Variants in AGPAT3 observed in about 807,000 individuals in gnomAD.
AGPAT3 encodes the protein 1-acylglycerol-3-phosphate O-acyltransferase 3.
In AGPAT3, 5 loss-of-function variants were observed where a neutral mutation model predicts 47.3. The observed-to-expected ratio is 0.11, with a 90% CI of 0.06 to 0.22. AGPAT3 has a LOEUF of 0.22. Among genes scored for constraint, AGPAT3 ranks in the 10% least tolerant of loss-of-function variants. The pLI, the probability that AGPAT3 is intolerant of heterozygous loss-of-function variation, is 1.00. For synonymous variants in AGPAT3, 212 were observed against 208.3 expected, an observed-to-expected ratio of 1.02 and a Z score of -0.15; for missense variants, 315 against 493.0, an observed-to-expected ratio of 0.64 and a Z score of 3.42.
intron 1 of AGPAT3, among the ~76,000 whole-genome samples, chr21:43,876,267 CCGA>C (rs1458978917): frequency 6.6e-6 from 1 of 152,062 alleles, no homozygotes; most frequent in African/African-American, 2.4e-5. Flanking sequence ...CAAAGTAATA[CCGA>C]TAATAATATT....
At chr21:43,948,872 A>C (rs530773321) in intron 2 of AGPAT3, among the ~76,000 whole-genome samples, 1 of 152,142 alleles carries the variant, frequency 6.6e-6, no homozygotes, top group Admixed American at 6.5e-5. Flanking sequence ...CAAGTCCCCA[A>C]ACAGTGGCTG....
At chr21:43,959,611 T>C (rs774693504) in intron 2 of AGPAT3, 23 bp from the exon 3 acceptor site, 1 of 1,598,540 alleles carries the variant, frequency 6.3e-7, no homozygotes, top group South Asian at 1.1e-5. Context: ...ACCCTGACGC[T>C]GTCCCTGTCC....
intron 2 of AGPAT3, among the ~76,000 whole-genome samples, chr21:43,938,117 G>A (rs77597510): frequency 6.8e-6 from 1 of 147,378 alleles, no homozygotes; most frequent in Non-Finnish European, 1.5e-5. Flanking sequence ...CACACACACA[G>A]ACACACACAC....
In AGPAT3 at chr21:43,969,101, CCTT is replaced by C. The variant is rs934223706; in HGVS notation, c.349-14_349-12del. 4 of 1,613,588 alleles carry C rather than the reference CCTT, an allele frequency of 2.5e-6. No homozygotes were observed. The highest frequency in any genetic ancestry group is 3.4e-6 in the Non-Finnish European group (4 of 1,179,628). On this transcript the variant is annotated splice_polypyrimidine_tract_variant and intron_variant, in intron 4 of 9. Coordinates refer to ENST00000291572, the MANE Select transcript of AGPAT3 (RefSeq NM_020132.5). ...CGACGCTGAAGTGCCAGGTGCCCCTCCTTCTCCTCCCTCCAGAGCTCCAAGGTC... is the reference window on the plus strand; with the variant it reads ...CGACGCTGAAGTGCCAGGTGCCCCTCCTCCTCCCTCCAGAGCTCCAAGGTC...
At chr21:43,876,299 A>G (rs1306633485) in intron 1 of AGPAT3, among the ~76,000 whole-genome samples, 2 of 152,194 alleles carry the variant, frequency 1.3e-5, no homozygotes, top group African/African-American at 4.8e-5. Flanking sequence ...CTAAAATTTG[A>G]ATTTCTTGAG....
At chr21:43,921,511 C>T (rs1269041165) in intron 2 of AGPAT3, among the ~76,000 whole-genome samples, 2 of 152,156 alleles carry the variant, frequency 1.3e-5, no homozygotes, top group East Asian at 1.9e-4. Context: ...GTCTCCAGGG[C>T]GAGCCCTGGC....
At chr21:43,929,623 G>A (rs918518701) in intron 2 of AGPAT3, among the ~76,000 whole-genome samples, 4 of 152,246 alleles carry the variant, frequency 2.6e-5, no homozygotes, top group East Asian at 1.9e-4. Context: ...CTGCAGAACC[G>A]GACACGGCCT....
chr21:43,943,198 C>G (rs554002698), intron 2 of AGPAT3, among the ~76,000 whole-genome samples: 4 of 152,290 alleles, frequency 2.6e-5, no homozygotes, highest in Admixed American at 2.6e-4. Context: ...CCTCAGCCTC[C>G]CGAGTAGCTG....
chr21:43,911,734 G>T (rs933868829), intron 2 of AGPAT3, among the ~76,000 whole-genome samples: 48 of 152,380 alleles, frequency 3.2e-4, no homozygotes, highest in African/African-American at 1.1e-3. Flanking sequence ...CTCTATGCAT[G>T]CACATTTCTG....
chr21:43,982,319 G>A lies in AGPAT3; in HGVS notation c.1058G>A (p.Arg353His), dbSNP rs753711381. The stretch of plus-strand genomic sequence containing the variant: ...GTCTTGAAAGCTTCCTTTGGAGTTC[G>A]CAGACTGATAGGAGTAACTGAGATA... Reference protein sequence around the residue: ...GFVGAASFGVRRLIGVTEIEK... With the variant: ...GFVGAASFGVHRLIGVTEIEK... Residue 353 changes from arginine to histidine, a missense_variant, in exon 10 of 10, where the codon CGC (arginine) becomes CAC (histidine). Transcript: ENST00000291572. The surrounding 1 kb of genome is among the most constrained non-coding windows in gnomAD (Gnocchi z 6.2). The A allele has an allele frequency of 5.0e-6, 8 of 1,613,160 alleles. No homozygotes were observed. Among genetic ancestry groups the A allele is most frequent in the African/African-American group, 1.3e-5 (1 of 74,852 alleles).
In AGPAT3 at chr21:43,970,798, G is replaced by A. The variant is rs201532770; in HGVS notation, c.656G>A (p.Arg219Gln). The change falls in exon 6 of 10, where the codon CGG (arginine) becomes CAG (glutamine). Residue 219 changes from arginine (R) to glutamine (Q), a missense_variant. Transcript: ENST00000291572. This position sits in a 1 kb window ranked among gnomAD's most constrained non-coding sequence, Gnocchi z 5.8. ...TTCACCACCGCAGTCAAGTGCCTCC[G>A]GGGGACAGGTAGGCCCCAGACTGCC... ...KGFTTAVKCL[R>Q]GTVAAVYDVT... 55 of 1,581,408 alleles carry A rather than the reference G, an allele frequency of 3.5e-5. No homozygotes were observed. The highest frequency in any genetic ancestry group is 3.9e-5 in the Non-Finnish European group (45 of 1,158,110).
intron 2 of AGPAT3, among the ~76,000 whole-genome samples, chr21:43,945,338 A>C (rs751362780): frequency 3.4e-4 from 52 of 152,224 alleles, no homozygotes; most frequent in Admixed American, 1.6e-3. Flanking sequence ...TTGTCACCCT[A>C]AAGAAAATTC....
intron 2 of AGPAT3, among the ~76,000 whole-genome samples, chr21:43,946,153 A>C (rs2087876949): frequency 6.6e-6 from 1 of 152,212 alleles, no homozygotes; most frequent in South Asian, 2.1e-4. Flanking sequence ...GTTGTCCTGC[A>C]GCCTCAGGTC....
chr21:43,970,531 G>A lies in AGPAT3; in HGVS notation c.511-122G>A. On this transcript the variant is annotated intron_variant, in intron 5 of 9. Coordinates refer to ENST00000291572, the MANE Select transcript of AGPAT3 (RefSeq NM_020132.5). The surrounding 1 kb of genome is among the most constrained non-coding windows in gnomAD (Gnocchi z 5.8). Reference sequence around the variant, plus strand: ...ATAACCCATGCTGCTCGCTAAAGCGGTTCCAAGATTTCCACAAATTCAGCC... The same window carrying A: ...ATAACCCATGCTGCTCGCTAAAGCGATTCCAAGATTTCCACAAATTCAGCC... The A allele has an allele frequency of 9.3e-7, 1 of 1,075,052 alleles. No individual in the cohort carries two copies. The highest frequency in any genetic ancestry group is 2.7e-5 in the East Asian group (1 of 36,874). The allele number at this position is 1,075,052 out of a possible 1,614,324, so 66.6% of individuals were successfully genotyped here.
At position 43,888,710 on chromosome 21, in the gene AGPAT3, G is replaced by A. The variant is rs558126092; in HGVS notation, c.-111-15247G>A. ...CAGGAAAACATTAAACAGAACATGG[G>A]CCGGGCGAGGTGCTTCACGCCTGTA... On this transcript the variant is annotated intron_variant, in intron 1 of 9. Coordinates refer to ENST00000291572, the MANE Select transcript of AGPAT3 (RefSeq NM_020132.5). Among the ~76,000 whole-genome samples the A allele has an allele frequency of 2.6e-5, 4 of 152,336 alleles. No individual in the cohort carries two copies. The South Asian group carries it at 8.3e-4, about 32-fold the overall frequency.
chr21:43,907,268 C>T (rs2086523294), intron 2 of AGPAT3, among the ~76,000 whole-genome samples: 1 of 152,080 alleles, frequency 6.6e-6, no homozygotes, highest in Admixed American at 6.6e-5. Flanking sequence ...GGCTCAAGCC[C>T]ATCTGCCGGC....
At chr21:43,938,790 A>G (rs767582246) in intron 2 of AGPAT3, among the ~76,000 whole-genome samples, 8 of 152,238 alleles carry the variant, frequency 5.3e-5, no homozygotes, top group Non-Finnish European at 1.0e-4. Flanking sequence ...GCGGAGGGTC[A>G]GGAATCCAGG....
chr21:43,982,612 C>A lies in AGPAT3; in HGVS notation c.*220C>A. ...GGGTCCCAGCATCTCCACGCGCGCC[C>A]GTGGGAGGTGGGTCCGGCCGGAGAG... On this transcript the variant is annotated 3_prime_UTR_variant, in exon 10 of 10. Transcript: ENST00000291572. This position sits in a 1 kb window ranked among gnomAD's most constrained non-coding sequence, Gnocchi z 6.2. 5.1e-6 allele frequency: 2 copies of A among 391,214 alleles called. No homozygotes were observed. The highest frequency in any genetic ancestry group is 3.2e-5 in the South Asian group (1 of 31,450). The allele number at this position is 391,214 out of a possible 1,614,324, so 24.2% of individuals were successfully genotyped here.
In AGPAT3 at chr21:43,909,291, C is replaced by T. The variant is rs532682594; in HGVS notation, c.-49+5272C>T. Among the ~76,000 whole-genome samples the T allele has an allele frequency of 4.2e-4, 47 of 112,928 alleles. No individual in the cohort carries two copies. In the East Asian group the frequency reaches 0.01, roughly 25 times the overall value. The allele number at this position is 112,928 out of a possible 152,430, so 74.1% of individuals were successfully genotyped here. A position where few individuals can be genotyped will look rare whatever the true frequency, so the allele number is the denominator to read the frequency against. On this transcript the variant is annotated intron_variant, in intron 2 of 9. Coordinates refer to ENST00000291572, the MANE Select transcript of AGPAT3 (RefSeq NM_020132.5). Reference sequence around the variant, plus strand: ...CGGTGGGCCACTCATTTTTCATACACATTTTTTTTTTTTTTTTTTTTTGAG... The same window carrying T: ...CGGTGGGCCACTCATTTTTCATACATATTTTTTTTTTTTTTTTTTTTTGAG...
Sources: allele counts gnomAD v4.1 joint callset (sites outside exome capture counted in the v4.1 genomes callset), GRCh38; gene constraint gnomAD v4.1.1; non-coding constraint Gnocchi (gnomAD v3.1); transcripts MANE v1.5; gene names NCBI Gene and HGNC (gene_info 2026-07-23, HGNC 2026-07-21).